NUFIP1: variants seen among roughly 807,000 people sequenced by gnomAD.
NUFIP1 encodes the protein nuclear FMR1 interacting protein 1.
A neutral mutation model predicts 56.2 loss-of-function variants in NUFIP1; 38 were observed. That is an observed-to-expected ratio of 0.68 (90% CI 0.52 to 0.89). The LOEUF is 0.89. NUFIP1 is among the 40% of genes least tolerant of loss of function. The pLI is 0.00. For synonymous variants in NUFIP1, 215 were observed against 212.4 expected, an observed-to-expected ratio of 1.01 and a Z score of -0.10; for missense variants, 567 against 605.8, an observed-to-expected ratio of 0.94 and a Z score of 0.67.
chr13:44,948,705 G>C (rs1870975635), intron 8 of NUFIP1, among the ~76,000 whole-genome samples: 1 of 152,130 alleles, frequency 6.6e-6, no homozygotes, highest in Admixed American at 6.5e-5. Context: ...ATCAGATCAA[G>C]AGCCTACTCA....
At chr13:44,986,133 A>T (rs1872381260) in intron 1 of NUFIP1, among the ~76,000 whole-genome samples, 1 of 152,196 alleles carries the variant, frequency 6.6e-6, no homozygotes, top group Non-Finnish European at 1.5e-5. Context: ...AAAGTTCTTG[A>T]AAGAAATCCA....
chr13:44,988,806 C>T (rs1296672122), intron 1 of NUFIP1, among the ~76,000 whole-genome samples: 1 of 152,158 alleles, frequency 6.6e-6, no homozygotes, highest in Non-Finnish European at 1.5e-5. Context: ...ATCCTCCTGC[C>T]TCAGCCTCCC....
rs1593354064 is a variant in NUFIP1 at position 44,939,311 on chromosome 13, T to G, written c.*1895A>C. On this transcript the variant is annotated 3_prime_UTR_variant, in exon 10 of 10. Coordinates refer to ENST00000379161, the MANE Select transcript of NUFIP1 (RefSeq NM_012345.3). ...ATGTATTAAATTTCCCAGAGCTGGT[T>G]TGATTAAGGAAAATAGAAGTCAATT... The G allele has an allele frequency of 2.6e-5, 4 of 152,292 alleles. No homozygotes were observed. The South Asian group carries it at 6.2e-4, about 24-fold the overall frequency. The allele number at this position is 152,292 out of a possible 1,614,324, so 9.4% of individuals were successfully genotyped here.
intron 5 of NUFIP1, among the ~76,000 whole-genome samples, chr13:44,976,355 AAGGAGG>A (rs144168367): frequency 9.9e-5 from 15 of 151,470 alleles, no homozygotes; most frequent in African/African-American, 2.4e-4. Flanking sequence ...AGAAAGGAGA[AAGGAGG>A]AGGAGGAGGA....
At chr13:44,988,006 C>G (rs1872474187) in intron 1 of NUFIP1, among the ~76,000 whole-genome samples, 1 of 152,244 alleles carries the variant, frequency 6.6e-6, no homozygotes, top group South Asian at 2.1e-4. Flanking sequence ...GACCTTTGCA[C>G]TTGCAGTTCC....
At chr13:44,988,882 G>T in intron 1 of NUFIP1, 143 bp downstream of exon 1, 4 of 747,128 alleles carry the variant, frequency 5.4e-6, no homozygotes, top group East Asian at 2.9e-5. Flanking sequence ...AGAGACGGGG[G>T]TCTCACTTTG....
In NUFIP1 at chr13:44,989,265, C is replaced by T. The variant is rs768999147; in HGVS notation, c.172G>A (p.Gly58Arg). ...TGCGACTCAGAGGAAGGCTTTGACC[C>T]GGCTGCGGGAAGCGAGGACGTAAGT... ...PPLTSSLPAAGSKPSSESQPP... is the reference protein window; with the variant it reads ...PPLTSSLPAARSKPSSESQPP... The change falls in exon 1 of 10, where the codon GGG (glycine) becomes AGG (arginine). Residue 58 changes from glycine to arginine, a missense_variant. Coordinates refer to ENST00000379161, the MANE Select transcript of NUFIP1 (RefSeq NM_012345.3). 6.2e-7 allele frequency: 1 copy of T among 1,613,334 alleles called. No individual in the cohort carries two copies. The highest frequency in any genetic ancestry group is 1.7e-5 in the Admixed American group (1 of 59,938).
At chr13:44,988,809 A>G (rs1432607439) in intron 1 of NUFIP1, among the ~76,000 whole-genome samples, 2 of 152,192 alleles carry the variant, frequency 1.3e-5, no homozygotes, top group East Asian at 3.9e-4. Context: ...CTCCTGCCTC[A>G]GCCTCCCATG....
intron 8 of NUFIP1, among the ~76,000 whole-genome samples, chr13:44,944,972 T>G (rs1045862889): frequency 2.6e-5 from 4 of 152,022 alleles, no homozygotes; most frequent in African/African-American, 9.7e-5. Flanking sequence ...TAAAATCAAT[T>G]ATCTATGCTT....
chr13:44,943,611 G>A lies in NUFIP1; in HGVS notation c.1202C>T (p.Pro401Leu). ...AENQVLDSSA[P>L]KSPSQDVKAT... ...TTTAACATCTTGACTTGGACTCTTA[G>A]GAGCACTGCTATCAAGAACCTGGTT... is the stretch of plus-strand genomic sequence containing the variant. Residue 401 changes from proline to leucine, a missense_variant, in exon 9 of 10, where the codon CCT becomes CTT. Transcript: ENST00000379161. The A allele has an allele frequency of 6.2e-7, 1 of 1,614,028 alleles. No homozygotes were observed. Among genetic ancestry groups the A allele is most frequent in the Non-Finnish European group, 8.5e-7 (1 of 1,179,994 alleles).
In NUFIP1 at chr13:44,956,538, G is replaced by T. The variant is rs187381226; in HGVS notation, c.1021+2843C>A. ...GCACCATAATGTAGAATCAGTAGGAGCCCTGAGCTGTTTTCCTGCAACTAG... is the reference window on the plus strand; with the variant it reads ...GCACCATAATGTAGAATCAGTAGGATCCCTGAGCTGTTTTCCTGCAACTAG... On this transcript the variant is annotated intron_variant, in intron 7 of 9. Transcript: ENST00000379161. Among the ~76,000 whole-genome samples the T allele has an allele frequency of 1.2e-3, 177 of 152,246 alleles. 1 individual carries two copies. Among genetic ancestry groups the T allele is most frequent in the African/African-American group, 4.1e-3 (172 of 41,532 alleles).
At chr13:44,967,869 A>G (rs150419061) in intron 5 of NUFIP1, among the ~76,000 whole-genome samples, 2 of 152,290 alleles carry the variant, frequency 1.3e-5, no homozygotes, top group Non-Finnish European at 2.9e-5. Flanking sequence ...GCTCTCTACT[A>G]CCCCGTCTGG....
chr13:44,976,355 A>C (rs1871978017), intron 5 of NUFIP1, among the ~76,000 whole-genome samples: 1 of 151,350 alleles, frequency 6.6e-6, no homozygotes. Context: ...AGAAAGGAGA[A>C]AGGAGGAGGA....
intron 5 of NUFIP1, among the ~76,000 whole-genome samples, chr13:44,976,270 T>C (rs1401260111): frequency 6.7e-6 from 1 of 149,418 alleles, no homozygotes; most frequent in Non-Finnish European, 1.5e-5. Flanking sequence ...TACTGCTCTA[T>C]GCAAAAAATG....
At chr13:44,979,769 A>G in intron 4 of NUFIP1, 121 bp downstream of exon 4, 1 of 615,810 alleles carries the variant, frequency 1.6e-6, no homozygotes, top group Non-Finnish European at 2.7e-6. Flanking sequence ...TGATGTCAAA[A>G]TCCTTACAAA....
chr13:44,965,800 TG>T, intron 6 of NUFIP1, 43 bp downstream of exon 6: 1 of 1,132,142 alleles, frequency 8.8e-7, no homozygotes, highest in Non-Finnish European at 1.3e-6. Context: ...TTTAAGATTT[TG>T]TTTTGTGCTC....
In NUFIP1 at chr13:44,965,874, C is replaced by T; in HGVS notation, c.797G>A (p.Arg266Lys). ...KKKLKLEKEK[R>K]GAVLTTTQYG... ...TTGTGTTGTTGTCAATACTGCTCCT[C>T]TCTTCTCCTTTTCAAGTTTTAACTT... Residue 266 changes from arginine (R) to lysine (K), a missense_variant, in exon 6 of 10, where the codon AGA becomes AAA. Physicochemically the swap from Arg to Lys is conservative, Grantham distance 26 (BLOSUM62 2). Coordinates refer to ENST00000379161, the MANE Select transcript of NUFIP1 (RefSeq NM_012345.3). 1 of 1,602,076 alleles carries T rather than the reference C, an allele frequency of 6.2e-7. No homozygotes were observed. Among genetic ancestry groups the T allele is most frequent in the Non-Finnish European group, 8.5e-7 (1 of 1,175,580 alleles).
intron 5 of NUFIP1, among the ~76,000 whole-genome samples, chr13:44,968,734 T>C (rs1871701507): frequency 6.6e-6 from 1 of 152,230 alleles, no homozygotes; most frequent in African/African-American, 2.4e-5. Context: ...TTGCAGAGTA[T>C]TGCAGACTCT....
chr13:44,968,560 G>A (rs1871695765), intron 5 of NUFIP1, among the ~76,000 whole-genome samples: 1 of 152,148 alleles, frequency 6.6e-6, no homozygotes, highest in African/African-American at 2.4e-5. Context: ...TTACAGAGAG[G>A]ATGGTCCAGT....
Sources: gnomAD v4.1 joint callset for allele counts (sites outside exome capture counted in the v4.1 genomes callset) on GRCh38, gnomAD v4.1.1 for gene constraint, MANE v1.5 for transcripts, NCBI Gene and HGNC (gene_info 2026-07-23, HGNC 2026-07-21) for gene names.